ZC3H14: variants seen among roughly 807,000 people sequenced by gnomAD.
ZC3H14 encodes the protein zinc finger CCCH-type containing 14.
A neutral mutation model predicts 92.4 loss-of-function variants in ZC3H14; 31 were observed. The observed-to-expected ratio is 0.34, with a 90% CI of 0.25 to 0.45. The LOEUF is 0.45. ZC3H14 is among the 20% of genes least tolerant of loss of function. The pLI is 1.00. For synonymous variants in ZC3H14, 321 were observed against 300.9 expected (o/e 1.07, Z -0.69); for missense variants, 781 against 897.3 (o/e 0.87, Z 1.66).
At chr14:88,600,136 T>C (rs1429697668) in intron 10 of ZC3H14, among the ~76,000 whole-genome samples, 7 of 152,238 alleles carry the variant, frequency 4.6e-5, no homozygotes, top group African/African-American at 1.7e-4. Context: ...CCCTTTTAAC[T>C]TTGCTCTTTT....
In ZC3H14 at chr14:88,568,073, G is replaced by A. The variant is rs1312405268; in HGVS notation, c.114G>A (p.Val38=). The A allele has an allele frequency of 6.2e-7, 1 of 1,614,078 alleles. No individual in the cohort carries two copies. The highest frequency in any genetic ancestry group is 8.5e-7 in the Non-Finnish European group (1 of 1,179,984). ...EELPDYIMVM[V]ANKKSQDQMT... is the part of the protein sequence containing the mutation. ...TTCCTGATTACATTATGGTGATGGT[G>A]GCCAACAAGAAAAGTCAGGACCAAA... Residue 38 remains valine, a synonymous_variant, in exon 3 of 17, where the codon GTG becomes GTA. Coordinates refer to ENST00000251038, the MANE Select transcript of ZC3H14 (RefSeq NM_024824.5).
At position 88,627,129 on chromosome 14, in the gene ZC3H14, G is replaced by C; in HGVS notation, c.*15378G>C. 1 of 1,426,506 alleles carries C rather than the reference G, an allele frequency of 7.0e-7. No individual in the cohort carries two copies. The highest frequency in any genetic ancestry group is 9.8e-7 in the Non-Finnish European group (1 of 1,025,168). 88.4% of individuals were successfully genotyped at this position (1,426,506 alleles called of 1,614,324 possible). A position where few individuals can be genotyped will look rare whatever the true frequency, so the allele number is the denominator to read the frequency against. On this transcript the variant is annotated 3_prime_UTR_variant, in exon 17 of 17. Coordinates refer to ENST00000251038, the MANE Select transcript of ZC3H14 (RefSeq NM_024824.5). ...ATCAAACAAATATGTAAAATACATAGTTCAAAAAACAAAGGCTTAGAAGAG... is the reference window on the plus strand; with the variant it reads ...ATCAAACAAATATGTAAAATACATACTTCAAAAAACAAAGGCTTAGAAGAG...
chr14:88,611,290 A>G (rs1259474999), intron 16 of ZC3H14, among the ~76,000 whole-genome samples: 1 of 151,862 alleles, frequency 6.6e-6, no homozygotes, highest in Non-Finnish European at 1.5e-5. Context: ...AATTTTTTTT[A>G]TTTTAAGTAG....
rs370450451 is a variant in ZC3H14 at position 88,618,498 on chromosome 14, G to T, written c.*6747G>T. On this transcript the variant is annotated 3_prime_UTR_variant, in exon 17 of 17. Transcript: ENST00000251038. ...TAATAGGAGAAAAGCTCTGATAAGT[G>T]GGGGAGGAAAGGGGAGCTGTAGGTC... is the stretch of plus-strand genomic sequence containing the variant. The T allele has an allele frequency of 1.8e-6, 2 of 1,094,340 alleles. No homozygotes were observed. The highest frequency in any genetic ancestry group is 1.6e-5 in the South Asian group (1 of 60,778). 67.8% of individuals were successfully genotyped at this position (1,094,340 alleles called of 1,614,324 possible).
chr14:88,606,997 A>C (rs1006171673), intron 12 of ZC3H14, among the ~76,000 whole-genome samples: 4 of 152,064 alleles, frequency 2.6e-5, no homozygotes, highest in African/African-American at 9.7e-5. Context: ...TTGGTGAAAA[A>C]TTTGGCCGTA....
chr14:88,587,277 C>T (rs1402332992), intron 9 of ZC3H14, among the ~76,000 whole-genome samples: 1 of 151,942 alleles, frequency 6.6e-6, no homozygotes, highest in African/African-American at 2.4e-5. Context: ...ATTCTCCTGC[C>T]TCAGCCTCCT....
At chr14:88,590,120 ACT>A (rs1328306771) in intron 9 of ZC3H14, 2 of 150,562 alleles carry the variant, frequency 1.3e-5, no homozygotes, top group Non-Finnish European at 3.0e-5. Flanking sequence ...ACACAGTGAC[ACT>A]CTGTCTCCAA....
At chr14:88,596,544 C>T (rs1386518357) in intron 9 of ZC3H14, among the ~76,000 whole-genome samples, 190 bp from the exon 10 acceptor site, 1 of 152,136 alleles carries the variant, frequency 6.6e-6, no homozygotes, top group Non-Finnish European at 1.5e-5. Context: ...TGTGGTTTAA[C>T]CCTGAGTACA....
intron 9 of ZC3H14, 128 bp from the exon 10 acceptor site, chr14:88,596,606 G>T: frequency 2.6e-6 from 2 of 781,654 alleles, no homozygotes; most frequent in East Asian, 5.4e-5. Context: ...CTATTAAATT[G>T]AATTGTTGAA....
chr14:88,575,003 C>T, intron 7 of ZC3H14, 150 bp downstream of exon 7: 1 of 1,183,856 alleles, frequency 8.4e-7, no homozygotes, highest in Non-Finnish European at 1.2e-6. Context: ...GTGCCACGAT[C>T]TCGGCTCACT....
intron 9 of ZC3H14, among the ~76,000 whole-genome samples, chr14:88,596,331 C>A (rs958438478): frequency 1.3e-5 from 2 of 152,068 alleles, no homozygotes; most frequent in African/African-American, 4.8e-5. Flanking sequence ...ATGAGTGAGT[C>A]GTGATGGTAA....
intron 2 of ZC3H14, among the ~76,000 whole-genome samples, chr14:88,565,902 C>G (rs902071033): frequency 5.3e-5 from 8 of 151,074 alleles, no homozygotes; most frequent in African/African-American, 1.9e-4. Context: ...GGGTCTCACT[C>G]TGTGGTTCGG....
chr14:88,563,207 T>G (rs1266062274), intron 1 of ZC3H14, 38 bp downstream of exon 1: 1 of 1,592,610 alleles, frequency 6.3e-7, no homozygotes. Context: ...AAGCCAGGTC[T>G]CGGCGAGCGG....
Position 88,618,796 on chromosome 14 carries a change from G to T in ZC3H14, c.*7045G>T. On this transcript the variant is annotated 3_prime_UTR_variant, in exon 17 of 17. Coordinates refer to ENST00000251038, the MANE Select transcript of ZC3H14 (RefSeq NM_024824.5). Reference sequence around the variant, plus strand: ...TCACTAGAACCTACTGCCAGATACCGGGAATCCGGACTAAATCTGAATCAA... The same window carrying T: ...TCACTAGAACCTACTGCCAGATACCTGGAATCCGGACTAAATCTGAATCAA... The T allele has an allele frequency of 1.3e-6, 2 of 1,589,380 alleles. No individual in the cohort carries two copies. The highest frequency in any genetic ancestry group is 2.3e-5 in the East Asian group (1 of 44,290).
At chr14:88,591,601 CA>C (rs1451756770) in intron 9 of ZC3H14, 3 of 152,112 alleles carry the variant, frequency 2.0e-5, no homozygotes, top group African/African-American at 7.2e-5. Flanking sequence ...GATTCTTAGT[CA>C]AGGGGAGATT....
chr14:88,571,953 A>G, intron 4 of ZC3H14, 77 bp from the exon 5 acceptor site: 6 of 1,203,708 alleles, frequency 5.0e-6, no homozygotes, highest in Non-Finnish European at 6.7e-6. Flanking sequence ...ACAGAGCGAG[A>G]CTCCATCTCA....
intron 11 of ZC3H14, 125 bp from the exon 12 acceptor site, chr14:88,602,703 A>C (rs2084824016): frequency 1.0e-6 from 1 of 968,284 alleles, no homozygotes; most frequent in Admixed American, 2.0e-5. Flanking sequence ...AGCCCTACCT[A>C]GTCTTTTTTT....
In ZC3H14 at chr14:88,594,769, T is replaced by C. The variant is rs773529004; in HGVS notation, c.1280-1965T>C. 13 of 1,613,982 alleles carry C rather than the reference T, an allele frequency of 8.1e-6. No homozygotes were observed. The Admixed American group carries it at 1.7e-4, about 21-fold the overall frequency. ...GTTTCCATCACCACCTCTACCAATT[T>C]TTCTTCCACCGGAGCCAGTGGACTT... is the stretch of plus-strand genomic sequence containing the variant. On this transcript the variant is annotated intron_variant, in intron 9 of 16. Transcript: ENST00000251038.
intron 13 of ZC3H14, 29 bp from the exon 14 acceptor site, chr14:88,609,238 A>G: frequency 6.2e-7 from 1 of 1,613,500 alleles, no homozygotes. Context: ...AAGATTGAAT[A>G]TGAAATATGC....
Sources: allele counts gnomAD v4.1 joint callset (sites outside exome capture counted in the v4.1 genomes callset), GRCh38; gene constraint gnomAD v4.1.1; transcripts MANE v1.5; gene names NCBI Gene and HGNC (gene_info 2026-07-23, HGNC 2026-07-21).